Variants in RAD9B observed in about 807,000 individuals in gnomAD.
RAD9B encodes RAD9 checkpoint clamp component B, also known as cell cycle checkpoint control protein RAD9B.
A neutral mutation model predicts 48.3 loss-of-function variants in RAD9B; 41 were observed. The observed-to-expected ratio is 0.85, with a 90% CI of 0.66 to 1.10. The LOEUF (loss-of-function observed/expected upper bound fraction) is 1.10, where lower values mean the gene tolerates loss of function less well. RAD9B is among the 50% of genes least tolerant of loss of function. The probability of loss-of-function intolerance (pLI) is 0.00; values close to 1 mark genes in which losing one functional copy is unlikely to be tolerated. For synonymous variants in RAD9B, 160 were observed against 157.9 expected (o/e 1.01, Z -0.10); for missense variants, 444 against 485.1 (o/e 0.92, Z 0.80).
intron 9 of RAD9B, 95 bp downstream of exon 9, chr12:110,520,011 G>A (rs2063726697): frequency 1.5e-6 from 2 of 1,364,980 alleles, no homozygotes; most frequent in Non-Finnish European, 2.0e-6. Flanking sequence ...AAACAATTGA[G>A]GAGTGAAATA....
chr12:110,517,927 G>T (rs1341282150), intron 6 of RAD9B, among the ~76,000 whole-genome samples: 1 of 152,112 alleles, frequency 6.6e-6, no homozygotes, highest in Non-Finnish European at 1.5e-5. Context: ...AGTGGCTCAC[G>T]CCTGTAATCC....
chr12:110,502,540 C>T (rs767774490), intron 1 of RAD9B, 157 bp downstream of exon 1: 2 of 768,274 alleles, frequency 2.6e-6, no homozygotes, highest in Non-Finnish European at 4.3e-6. Flanking sequence ...TCCCTGTTAA[C>T]TTCTGAGGGG....
intron 5 of RAD9B, among the ~76,000 whole-genome samples, chr12:110,514,413 C>A (rs557323471): frequency 1.3e-5 from 2 of 152,156 alleles, no homozygotes; most frequent in South Asian, 4.1e-4. Flanking sequence ...TCAGTAAGCA[C>A]CTGAAAAGAT....
intron 4 of RAD9B, among the ~76,000 whole-genome samples, chr12:110,507,466 AAT>A (rs796946342): frequency 7.5e-6 from 1 of 133,632 alleles, no homozygotes; most frequent in African/African-American, 2.8e-5. Flanking sequence ...TATTAAGTAT[AAT>A]ATATATGTAT....
chr12:110,503,733 TGA>T (rs1171556815), intron 1 of RAD9B, 71 bp from the exon 2 acceptor site: 1 of 1,049,378 alleles, frequency 9.5e-7, no homozygotes, highest in East Asian at 2.5e-5. Flanking sequence ...CTCTGAATGC[TGA>T]ACTAGTCTTG....
In RAD9B at chr12:110,530,797, T is replaced by C; in HGVS notation, c.*144T>C. 6.9e-7 allele frequency: 1 copy of C among 1,449,432 alleles called. No homozygotes were observed. Among genetic ancestry groups the C allele is most frequent in the Non-Finnish European group, 9.1e-7 (1 of 1,104,106 alleles). 89.8% of individuals were successfully genotyped at this position (1,449,432 alleles called of 1,614,324 possible). A position where few individuals can be genotyped will look rare whatever the true frequency, so the allele number is the denominator to read the frequency against. Reference sequence around the variant, plus strand: ...TGGGCTTTTAAACCACATCATCTTGTACAACAACCATATCTAGAAATAGCT... The same window carrying C: ...TGGGCTTTTAAACCACATCATCTTGCACAACAACCATATCTAGAAATAGCT... On this transcript the variant is annotated 3_prime_UTR_variant, in exon 11 of 11. Coordinates refer to ENST00000409300, the MANE Select transcript of RAD9B (RefSeq NM_001286535.2).
At chr12:110,522,513 G>A (rs937302718) in intron 10 of RAD9B, 102 bp downstream of exon 10, 1 of 818,634 alleles carries the variant, frequency 1.2e-6, no homozygotes, top group Non-Finnish European at 1.9e-6. Context: ...TCTGAAAATT[G>A]ATTTTCTTAT....
intron 4 of RAD9B, 93 bp from the exon 5 acceptor site, chr12:110,512,686 T>C: frequency 1.6e-6 from 1 of 622,162 alleles, no homozygotes; most frequent in Non-Finnish European, 2.8e-6. Context: ...AATGTTACTT[T>C]ATTACTTTAA....
intron 4 of RAD9B, among the ~76,000 whole-genome samples, chr12:110,508,673 G>A (rs2063364768): frequency 6.6e-6 from 1 of 152,184 alleles, no homozygotes; most frequent in Non-Finnish European, 1.5e-5. Flanking sequence ...TGTTGCCCAG[G>A]CTGGTCTCAA....
intron 1 of RAD9B, chr12:110,502,608 G>C (rs1382011130): frequency 1.8e-6 from 1 of 567,938 alleles, no homozygotes; most frequent in African/African-American, 1.9e-5. Flanking sequence ...TGGTATCCGG[G>C]AAATAGAGTT....
At position 110,506,563 on chromosome 12, in the gene RAD9B, T is replaced by C; in HGVS notation, c.274-16T>C. On this transcript the variant is annotated splice_polypyrimidine_tract_variant and intron_variant, in intron 3 of 10. Transcript: ENST00000409300. ...CCATGTTAAGTATGTGCTTAATATG[T>C]ATATTTCTGTTACAGTCAATTTTGC... 1 of 1,138,862 alleles carries C rather than the reference T, an allele frequency of 8.8e-7. No homozygotes were observed. Among genetic ancestry groups the C allele is most frequent in the South Asian group, 1.2e-5 (1 of 80,726 alleles). The allele number at this position is 1,138,862 out of a possible 1,614,324, so 70.5% of individuals were successfully genotyped here. A position where few individuals can be genotyped will look rare whatever the true frequency, so the allele number is the denominator to read the frequency against.
At chr12:110,513,276 T>C (rs2063516716) in intron 5 of RAD9B, among the ~76,000 whole-genome samples, 1 of 151,624 alleles carries the variant, frequency 6.6e-6, no homozygotes, top group Non-Finnish European at 1.5e-5. Context: ...CCATTACATT[T>C]TTTTTTTTTA....
rs1175336035 is a variant in RAD9B, at chr12:110,533,172, A to G, written c.*2519A>G. On this transcript the variant is annotated 3_prime_UTR_variant, in exon 11 of 11. Coordinates refer to ENST00000409300, the MANE Select transcript of RAD9B (RefSeq NM_001286535.2). ...GGAGGCTTGGAAATGAGGACCTGAT[A>G]GTGACCAACAAACTCAATGTCAAGG... 3 of 152,224 alleles carry G rather than the reference A, an allele frequency of 2.0e-5. No homozygotes were observed. Among genetic ancestry groups the G allele is most frequent in the Admixed American group, 6.5e-5 (1 of 15,278 alleles). The allele number at this position is 152,224 out of a possible 1,614,324, so 9.4% of individuals were successfully genotyped here. A position where few individuals can be genotyped will look rare whatever the true frequency, so the allele number is the denominator to read the frequency against.
chr12:110,519,476 G>T (rs112414051), intron 8 of RAD9B, among the ~76,000 whole-genome samples: 8 of 152,080 alleles, frequency 5.3e-5, no homozygotes, highest in Non-Finnish European at 7.4e-5. Flanking sequence ...TGTTGCCCAG[G>T]CTGGAGTGCA....
chr12:110,503,934 C>G (rs896696630), intron 2 of RAD9B, 58 bp downstream of exon 2: 2 of 1,033,684 alleles, frequency 1.9e-6, no homozygotes, highest in Non-Finnish European at 2.8e-6. Context: ...TTAAAGATCC[C>G]AGTCCAGATT....
Position 110,531,491 on chromosome 12 carries a change from C to G in RAD9B, c.*838C>G, listed in dbSNP as rs2064135913. 5.1e-6 allele frequency: 5 copies of G among 986,330 alleles called. No homozygotes were observed. In the South Asian group the frequency reaches 6.9e-5, roughly 14 times the overall value. 61.1% of individuals were successfully genotyped at this position (986,330 alleles called of 1,614,324 possible). On this transcript the variant is annotated 3_prime_UTR_variant, in exon 11 of 11. Transcript: ENST00000409300. Reference sequence around the variant, plus strand: ...ACAGACTTGAGCCACTGCGCCCAACCTGGAGTGTTTTTACATATTGTAAAA... The same window carrying G: ...ACAGACTTGAGCCACTGCGCCCAACGTGGAGTGTTTTTACATATTGTAAAA...
chr12:110,503,409 T>C, intron 1 of RAD9B: 1 of 179,512 alleles, frequency 5.6e-6, no homozygotes, highest in Non-Finnish European at 1.2e-5. Context: ...TTGTTGTGAC[T>C]TGGCTATCAA....
rs746229430 is a variant in RAD9B at position 110,531,540 on chromosome 12, T to G, written c.*887T>G. 9.8e-6 allele frequency: 14 copies of G among 1,430,796 alleles called. No individual in the cohort carries two copies. The highest frequency in any genetic ancestry group is 1.2e-5 in the Non-Finnish European group (12 of 1,018,478). 88.6% of individuals were successfully genotyped at this position (1,430,796 alleles called of 1,614,324 possible). A position where few individuals can be genotyped will look rare whatever the true frequency, so the allele number is the denominator to read the frequency against. On this transcript the variant is annotated 3_prime_UTR_variant, in exon 11 of 11. Transcript: ENST00000409300. ...AATTTTATTTCCTAACCTCAAATTGTTCTGATTTTCAGATGTGATTTTTTA... is the reference window on the plus strand; with the variant it reads ...AATTTTATTTCCTAACCTCAAATTGGTCTGATTTTCAGATGTGATTTTTTA...
In RAD9B at chr12:110,531,530, C is replaced by T; in HGVS notation, c.*877C>T. On this transcript the variant is annotated 3_prime_UTR_variant, in exon 11 of 11. Coordinates refer to ENST00000409300, the MANE Select transcript of RAD9B (RefSeq NM_001286535.2). ...CATATTGTAAAATTTTATTTCCTAA[C>T]CTCAAATTGTTCTGATTTTCAGATG... 7.3e-7 allele frequency: 1 copy of T among 1,367,718 alleles called. No individual in the cohort carries two copies. The highest frequency in any genetic ancestry group is 1.0e-6 in the Non-Finnish European group (1 of 963,344). 84.7% of individuals were successfully genotyped at this position (1,367,718 alleles called of 1,614,324 possible).
Sources: gnomAD v4.1 joint callset for allele counts (sites outside exome capture counted in the v4.1 genomes callset) on GRCh38, gnomAD v4.1.1 for gene constraint, MANE v1.5 for transcripts, NCBI Gene and HGNC (gene_info 2026-07-23, HGNC 2026-07-21) for gene names.